HSD11B1L: variants seen among roughly 807,000 people sequenced by gnomAD.
HSD11B1L encodes hydroxysteroid 11-beta dehydrogenase 1 like, also known as hydroxysteroid 11-beta-dehydrogenase 1-like protein.
A neutral mutation model predicts 27.0 loss-of-function variants in HSD11B1L; 22 were observed. That is an observed-to-expected ratio of 0.81 (90% CI 0.58 to 1.16). The LOEUF (loss-of-function observed/expected upper bound fraction) is 1.16, where lower values mean the gene tolerates loss of function less well. Among genes scored for constraint, HSD11B1L ranks in the 50% most tolerant of loss-of-function variants. HSD11B1L has a pLI of 0.00. For missense variants in HSD11B1L, 372 were observed against 401.8 expected (o/e 0.93, Z 0.63); for synonymous variants, 187 against 189.2 (o/e 0.99, Z 0.09).
Position 5,685,334 on chromosome 19 carries a change from G to C in HSD11B1L, c.204+215G>C. ...GGCTCACGCTTGTAGTCAGCACTTT[G>C]GGAGGCCGAGGAAAGTGGATCACCT... On this transcript the variant is annotated intron_variant, in intron 3 of 7. Coordinates refer to ENST00000339423, the MANE Select transcript of HSD11B1L (RefSeq NM_198706.3). This position sits in a 1 kb window ranked among gnomAD's most constrained non-coding sequence, Gnocchi z 4.3. 1 of 703,690 alleles carries C rather than the reference G, an allele frequency of 1.4e-6. No homozygotes were observed. The highest frequency in any genetic ancestry group is 2.5e-6 in the Non-Finnish European group (1 of 394,360). The allele number at this position is 703,690 out of a possible 1,614,324, so 43.6% of individuals were successfully genotyped here.
chr19:5,687,932 C>G lies in HSD11B1L; in HGVS notation c.848C>G (p.Ala283Gly), dbSNP rs763669331. ...WFIRQELNVTAAAA is the reference protein window; with the variant it reads ...WFIRQELNVTGAAA Reference sequence around the variant, plus strand: ...ATCCGCCAGGAGCTCAACGTCACGGCCGCGGCAGCCTGAGCACCGGGGGGT... The same window carrying G: ...ATCCGCCAGGAGCTCAACGTCACGGGCGCGGCAGCCTGAGCACCGGGGGGT... Residue 283 changes from alanine (A) to glycine (G), a missense_variant, in exon 8 of 8, where the codon GCC becomes GGC. Coordinates refer to ENST00000339423, the MANE Select transcript of HSD11B1L (RefSeq NM_198706.3). This position sits in a 1 kb window ranked among gnomAD's most constrained non-coding sequence, Gnocchi z 6.6. 6 of 1,563,070 alleles carry G rather than the reference C, an allele frequency of 3.8e-6. No individual in the cohort carries two copies. The South Asian group carries it at 7.0e-5, about 18-fold the overall frequency.
chr19:5,685,979 A>G lies in HSD11B1L; in HGVS notation c.205-437A>G, dbSNP rs2054679523. On this transcript the variant is annotated intron_variant, in intron 3 of 7. Coordinates refer to ENST00000339423, the MANE Select transcript of HSD11B1L (RefSeq NM_198706.3). The surrounding 1 kb of genome is among the most constrained non-coding windows in gnomAD (Gnocchi z 4.3). ...AATGCAGTGAGACGGTGACTAGAAG[A>G]TGCAGTGTTTCTTAACAAATGAGAG... Among the ~76,000 whole-genome samples, 1 of 152,170 alleles carries G rather than the reference A, an allele frequency of 6.6e-6. No individual in the cohort carries two copies. Among genetic ancestry groups the G allele is most frequent in the Admixed American group, 6.5e-5 (1 of 15,278 alleles).
chr19:5,685,629 T>C lies in HSD11B1L; in HGVS notation c.204+510T>C, dbSNP rs1568300064. 1.2e-5 allele frequency: 2 copies of C among 171,898 alleles called. No individual in the cohort carries two copies. Among genetic ancestry groups the C allele is most frequent in the Non-Finnish European group, 2.5e-5 (2 of 78,816 alleles). The allele number at this position is 171,898 out of a possible 1,614,324, so 10.6% of individuals were successfully genotyped here. On this transcript the variant is annotated intron_variant, in intron 3 of 7. Transcript: ENST00000339423. The surrounding 1 kb of genome is among the most constrained non-coding windows in gnomAD (Gnocchi z 4.3). ...GTCAGGCACCTGTAATCCCAGCTAC[T>C]GGGGAGGCTGAGGCGGGAGAATTGC...
At position 5,686,520 on chromosome 19, in the gene HSD11B1L, C is replaced by T. The variant is rs1482497060; in HGVS notation, c.309C>T (p.Asp103=). The T allele has an allele frequency of 6.3e-7, 1 of 1,576,444 alleles. No homozygotes were observed. ...APESVVQFAL[D]KLGGLDYLVL... is the part of the protein sequence containing the mutation. ...AGAGCGTGGTGCAGTTTGCGCTGGA[C>T]AAGCTGGGTGAGGGGCTGGGCCTGA... Residue 103 remains aspartate, a synonymous_variant, in exon 4 of 8, where the codon GAC becomes GAT. Coordinates refer to ENST00000339423, the MANE Select transcript of HSD11B1L (RefSeq NM_198706.3).
rs1291890677 is a variant in HSD11B1L, at chr19:5,687,186, G to T, written c.409-96G>T. The T allele has an allele frequency of 1.4e-6, 2 of 1,381,580 alleles. No individual in the cohort carries two copies. The highest frequency in any genetic ancestry group is 2.5e-5 in the East Asian group (1 of 40,328). The allele number at this position is 1,381,580 out of a possible 1,614,324, so 85.6% of individuals were successfully genotyped here. Reference sequence around the variant, plus strand: ...ACCCGCCTTCCGGGTTTCTGGCCCCGTCTCTGACCCGGCCCTGGCCCCGCC... The same window carrying T: ...ACCCGCCTTCCGGGTTTCTGGCCCCTTCTCTGACCCGGCCCTGGCCCCGCC... On this transcript the variant is annotated intron_variant, in intron 5 of 7. Transcript: ENST00000339423. This position sits in a 1 kb window ranked among gnomAD's most constrained non-coding sequence, Gnocchi z 6.6.
Position 5,687,098 on chromosome 19 carries a change from G to T in HSD11B1L, c.408+107G>T. ...CTTCTCCAGGGAGGGCTCTCCACCC[G>T]TCCCGCCCCAGCCACGCCCCTCCTA... is the stretch of plus-strand genomic sequence containing the variant. On this transcript the variant is annotated intron_variant, in intron 5 of 7. Transcript: ENST00000339423. The surrounding 1 kb of genome is among the most constrained non-coding windows in gnomAD (Gnocchi z 6.6). 1 of 1,169,624 alleles carries T rather than the reference G, an allele frequency of 8.5e-7. No homozygotes were observed. Among genetic ancestry groups the T allele is most frequent in the Non-Finnish European group, 1.2e-6 (1 of 828,320 alleles). The allele number at this position is 1,169,624 out of a possible 1,614,324, so 72.5% of individuals were successfully genotyped here. A position where few individuals can be genotyped will look rare whatever the true frequency, so the allele number is the denominator to read the frequency against.
intron 1 of HSD11B1L, chr19:5,684,368 T>G: frequency 3.0e-6 from 1 of 328,282 alleles, no homozygotes; most frequent in Non-Finnish European, 5.6e-6. Context: ...AGCAAGCCAT[T>G]GGGTTATATC....
At chr19:5,686,596 G>A (rs2054699022) in intron 4 of HSD11B1L, 69 bp downstream of exon 4, 2 of 1,257,058 alleles carry the variant, frequency 1.6e-6, no homozygotes, top group Non-Finnish European at 2.2e-6. Flanking sequence ...GACCAGAATT[G>A]GGCTGTGGGT....
rs557250916 is a variant in HSD11B1L at position 5,687,832 on chromosome 19, G to A, written c.748G>A (p.Gly250Ser). 6.4e-7 allele frequency: 1 copy of A among 1,558,720 alleles called. No individual in the cohort carries two copies. The highest frequency in any genetic ancestry group is 1.9e-5 in the Admixed American group (1 of 53,968). ...VIRGGATRAAGVFYPWRFRLL... is the reference protein window; with the variant it reads ...VIRGGATRAASVFYPWRFRLL... ...CCGCGGCGGCGCCACGCGCGCGGCC[G>A]GCGTCTTCTACCCGTGGCGTTTCCG... is the stretch of plus-strand genomic sequence containing the variant. The change falls in exon 8 of 8, where the codon GGC (glycine) becomes AGC (serine). Residue 250 changes from glycine to serine, a missense_variant. Physicochemically the swap from Gly to Ser is moderately conservative, Grantham distance 56 (BLOSUM62 0). Transcript: ENST00000339423. This position sits in a 1 kb window ranked among gnomAD's most constrained non-coding sequence, Gnocchi z 6.6.
intron 3 of HSD11B1L, 64 bp from the exon 4 acceptor site, chr19:5,686,352 G>A (rs2054689463): frequency 3.5e-6 from 4 of 1,135,684 alleles, no homozygotes; most frequent in East Asian, 2.6e-5. Context: ...TGGCCAGCAG[G>A]TGCGGTGGAG....
In HSD11B1L at chr19:5,687,335, G is replaced by A. The variant is rs749083432; in HGVS notation, c.462G>A (p.Thr154=). 18 of 1,612,712 alleles carry A rather than the reference G, an allele frequency of 1.1e-5. No individual in the cohort carries two copies. Among genetic ancestry groups the A allele is most frequent in the Non-Finnish European group, 1.4e-5 (17 of 1,179,790 alleles). ...CGTCGCGGGCGCTGCCCAGCCTGACGGACAGCAAGGGCTCCCTGGTGGTGG... is the reference window on the plus strand; with the variant it reads ...CGTCGCGGGCGCTGCCCAGCCTGACAGACAGCAAGGGCTCCCTGGTGGTGG... The part of the protein sequence containing the change: ...QLTSRALPSL[T]DSKGSLVVVS... Residue 154 remains threonine (T), a synonymous_variant, in exon 6 of 8, where the codon ACG becomes ACA. Transcript: ENST00000339423. The surrounding 1 kb of genome is among the most constrained non-coding windows in gnomAD (Gnocchi z 6.6).
intron 1 of HSD11B1L, among the ~76,000 whole-genome samples, chr19:5,682,220 G>A (rs1222583095): frequency 6.6e-6 from 1 of 152,200 alleles, no homozygotes; most frequent in East Asian, 1.9e-4. Context: ...GAGCAGGAAG[G>A]GCCATGGCCA....
At chr19:5,686,823 G>T in intron 4 of HSD11B1L, 77 bp from the exon 5 acceptor site, 1 of 1,232,350 alleles carries the variant, frequency 8.1e-7, no homozygotes, top group Non-Finnish European at 1.1e-6. Context: ...CGCTCTGGGT[G>T]GAGCTAAGCT....
In HSD11B1L at chr19:5,687,674, G is replaced by A. The variant is rs1314416948; in HGVS notation, c.668+6G>A. On this transcript the variant is annotated splice_donor_region_variant and intron_variant, in intron 7 of 7. Coordinates refer to ENST00000339423, the MANE Select transcript of HSD11B1L (RefSeq NM_198706.3). The surrounding 1 kb of genome is among the most constrained non-coding windows in gnomAD (Gnocchi z 6.6). ...TCCGCCGCCGAGGCAGTCAGGTGAGGCCCGGACAAGCTGGGGGCTGGGCTG... is the reference window on the plus strand; with the variant it reads ...TCCGCCGCCGAGGCAGTCAGGTGAGACCCGGACAAGCTGGGGGCTGGGCTG... 2 of 1,570,768 alleles carry A rather than the reference G, an allele frequency of 1.3e-6. No homozygotes were observed. The highest frequency in any genetic ancestry group is 3.6e-5 in the Admixed American group (2 of 54,960).
chr19:5,688,049 C>T lies in HSD11B1L; in HGVS notation c.*104C>T. ...GACACCCCTGAGAGGGTGGCCACAG[C>T]CCAAGATGAAGTCATCAAGACAGAA... On this transcript the variant is annotated 3_prime_UTR_variant, in exon 8 of 8. Transcript: ENST00000339423. 6.4e-7 allele frequency: 1 copy of T among 1,551,574 alleles called. No homozygotes were observed. The highest frequency in any genetic ancestry group is 8.7e-7 in the Non-Finnish European group (1 of 1,147,008).
At chr19:5,686,878 C>A in intron 4 of HSD11B1L, 22 bp from the exon 5 acceptor site, 2 of 1,530,722 alleles carry the variant, frequency 1.3e-6, no homozygotes, top group Non-Finnish European at 1.8e-6. Context: ...GCCTCCGGGG[C>A]TGACCGGCGT....
chr19:5,688,007 G>C lies in HSD11B1L; in HGVS notation c.*62G>C. 1 of 1,551,542 alleles carries C rather than the reference G, an allele frequency of 6.4e-7. No homozygotes were observed. Among genetic ancestry groups the C allele is most frequent in the African/African-American group, 1.4e-5 (1 of 73,178 alleles). Reference sequence around the variant, plus strand: ...GTTCCTCCCTCCAACTGTCCCTGGAGCCAGAACACTCACAGAGACACCCCT... The same window carrying C: ...GTTCCTCCCTCCAACTGTCCCTGGACCCAGAACACTCACAGAGACACCCCT... On this transcript the variant is annotated 3_prime_UTR_variant, in exon 8 of 8. Transcript: ENST00000339423.
intron 1 of HSD11B1L, among the ~76,000 whole-genome samples, chr19:5,682,153 G>A (rs1199698569): frequency 1.3e-5 from 2 of 152,366 alleles, no homozygotes; most frequent in Admixed American, 6.5e-5. Context: ...GGCCTCATGG[G>A]GTGCAGTGAG....
Position 5,687,171 on chromosome 19 carries a change from C to T in HSD11B1L, c.409-111C>T. The stretch of plus-strand genomic sequence containing the variant: ...TGACCCCGCCCTCGGACCCGCCTTC[C>T]GGGTTTCTGGCCCCGTCTCTGACCC... On this transcript the variant is annotated intron_variant, in intron 5 of 7. Coordinates refer to ENST00000339423, the MANE Select transcript of HSD11B1L (RefSeq NM_198706.3). The surrounding 1 kb of genome is among the most constrained non-coding windows in gnomAD (Gnocchi z 6.6). 7.7e-7 allele frequency: 1 copy of T among 1,298,896 alleles called. No homozygotes were observed. The highest frequency in any genetic ancestry group is 1.1e-6 in the Non-Finnish European group (1 of 938,538). The allele number at this position is 1,298,896 out of a possible 1,614,324, so 80.5% of individuals were successfully genotyped here. A position where few individuals can be genotyped will look rare whatever the true frequency, so the allele number is the denominator to read the frequency against.
Sources: gnomAD v4.1 joint callset for allele counts (sites outside exome capture counted in the v4.1 genomes callset) on GRCh38, gnomAD v4.1.1 for gene constraint, Gnocchi (gnomAD v3.1) non-coding constraint, MANE v1.5 for transcripts, NCBI Gene and HGNC (gene_info 2026-07-23, HGNC 2026-07-21) for gene names.